NFAT5: variants seen among roughly 807,000 people sequenced by gnomAD.
The protein encoded by NFAT5 is nuclear factor of activated T-cells 5.
Under a neutral mutation model 166.5 loss-of-function variants are expected in NFAT5, and 31 were observed. That is an observed-to-expected ratio of 0.19 (90% CI 0.14 to 0.25). The LOEUF is 0.25. Among genes scored for constraint, NFAT5 ranks in the 10% least tolerant of loss-of-function variants. The pLI is 1.00. For missense variants in NFAT5, 1,449 were observed against 1,821.8 expected (o/e 0.80, Z 3.72); for synonymous variants, 612 against 639.7 (o/e 0.96, Z 0.65).
intron 2 of NFAT5, among the ~76,000 whole-genome samples, chr16:69,586,399 T>C (rs559781734): frequency 1.3e-5 from 2 of 152,148 alleles, no homozygotes; most frequent in Admixed American, 1.3e-4. Context: ...CTTGTTTAGA[T>C]TGGAATTTTT....
intron 9 of NFAT5, among the ~76,000 whole-genome samples, chr16:69,675,701 G>A (rs576049848): frequency 2.6e-4 from 39 of 152,060 alleles, no homozygotes; most frequent in African/African-American, 9.4e-4. Flanking sequence ...GTGCAATGAC[G>A]CGCTCTTGGC....
chr16:69,583,559 A>G (rs2031839798), intron 2 of NFAT5, among the ~76,000 whole-genome samples: 1 of 152,192 alleles, frequency 6.6e-6, no homozygotes, highest in Non-Finnish European at 1.5e-5. Flanking sequence ...GTTAAGGGAA[A>G]GAAACCTAGC....
chr16:69,652,750 G>A (rs1274511446), intron 4 of NFAT5, among the ~76,000 whole-genome samples: 2 of 83,150 alleles, frequency 2.4e-5, no homozygotes, highest in East Asian at 1.5e-3. Context: ...TTGGGGGTTT[G>A]TTTTTTGTTT....
intron 2 of NFAT5, among the ~76,000 whole-genome samples, chr16:69,598,930 CTTGAACCTGGGAGGTGGAGGT>C (rs2032966982): frequency 6.6e-6 from 1 of 150,684 alleles, no homozygotes; most frequent in South Asian, 2.1e-4. Context: ...AGGAAAATCA[CTTGAACCTGGGAGGTGGAGGT>C]TGCAGTGAGC....
At position 69,662,443 on chromosome 16, in the gene NFAT5, CCT is replaced by C. The variant is rs1491420122; in HGVS notation, c.1369+2547_1369+2548del. 3.0e-4 allele frequency among the ~76,000 whole-genome samples: 43 copies of C among 145,034 alleles called. 1 individual carries two copies. The highest frequency in any genetic ancestry group is 1.1e-3 in the African/African-American group (43 of 37,878). Reference sequence around the variant, plus strand: ...TTTGAGGTTACAGAGGTAGACAACACCTCTTTCTTTTTTTTTTTTTTTTTTTT... The same window carrying C: ...TTTGAGGTTACAGAGGTAGACAACACCTTTCTTTTTTTTTTTTTTTTTTTT... On this transcript the variant is annotated intron_variant, in intron 7 of 14. Coordinates refer to ENST00000349945, the MANE Select transcript of NFAT5 (RefSeq NM_138713.4).
intron 2 of NFAT5, among the ~76,000 whole-genome samples, chr16:69,617,381 A>C (rs1439166418): frequency 6.6e-6 from 1 of 152,228 alleles, no homozygotes; most frequent in Non-Finnish European, 1.5e-5. Context: ...AGACTCAAGA[A>C]ATTTCTTCAG....
intron 2 of NFAT5, among the ~76,000 whole-genome samples, chr16:69,578,877 G>GTT (rs200744895): frequency 1.7e-4 from 24 of 143,724 alleles, no homozygotes; most frequent in East Asian, 6.0e-4. Context: ...ATCTGAATAA[G>GTT]TTTTTTTTTT....
Position 69,703,565 on chromosome 16 carries a change from C to T in NFAT5, c.*7214C>T, listed in dbSNP as rs9980. On this transcript the variant is annotated 3_prime_UTR_variant, in exon 15 of 15. Coordinates refer to ENST00000349945, the MANE Select transcript of NFAT5 (RefSeq NM_138713.4). ...TTTACAAATTACCAGTTAATTAACT[C>T]GTGAAAGAAAAATTCACATATCAGA... 2 of 152,434 alleles carry T rather than the reference C, an allele frequency of 1.3e-5. No homozygotes were observed. The highest frequency in any genetic ancestry group is 2.4e-5 in the African/African-American group (1 of 41,384). The allele number at this position is 152,434 out of a possible 1,614,324, so 9.4% of individuals were successfully genotyped here.
chr16:69,687,190 C>G (rs541321672), intron 11 of NFAT5, among the ~76,000 whole-genome samples: 28 of 151,904 alleles, frequency 1.8e-4, no homozygotes, highest in Non-Finnish European at 3.8e-4. Flanking sequence ...ACCTGTAATC[C>G]CAGCACTTTG....
intron 10 of NFAT5, among the ~76,000 whole-genome samples, chr16:69,683,207 G>A (rs577839658): frequency 1.0e-3 from 153 of 151,516 alleles, no homozygotes; most frequent in Admixed American, 3.2e-3. Flanking sequence ...GCGAAACTCC[G>A]TCTCAAAAGA....
intron 3 of NFAT5, among the ~76,000 whole-genome samples, chr16:69,632,898 G>T (rs2034781963): frequency 6.6e-6 from 1 of 152,106 alleles, no homozygotes. Context: ...TCAGATCCTA[G>T]TTACAAACAT....
rs2037648480 is a variant in NFAT5, at chr16:69,693,647, G to A, written c.3822G>A (p.Gln1274=). The change falls in exon 13 of 15, where the codon CAG becomes CAA. Residue 1274 remains glutamine, a synonymous_variant. Coordinates refer to ENST00000349945, the MANE Select transcript of NFAT5 (RefSeq NM_138713.4). ...AGGAACAGCAGCAGCAGCAGCAACA[G>A]CAGCAGCAACAGCAGCAGCAACAAC... ...PSQEQQQQQQ[Q]QQQQQQQQQQ... 6.2e-7 allele frequency: 1 copy of A among 1,614,090 alleles called. No individual in the cohort carries two copies. The highest frequency in any genetic ancestry group is 1.1e-5 in the South Asian group (1 of 91,060).
intron 2 of NFAT5, among the ~76,000 whole-genome samples, chr16:69,577,471 T>G (rs1022712244): frequency 2.0e-4 from 31 of 152,312 alleles, no homozygotes; most frequent in African/African-American, 7.5e-4. Flanking sequence ...ATTTATTACC[T>G]TTATACCCAG....
At chr16:69,688,852 ATAG>A (rs150400736) in intron 11 of NFAT5, among the ~76,000 whole-genome samples, 6,701 of 152,300 alleles carry the variant, frequency 0.044, 497 homozygotes, top group African/African-American at 0.15. Context: ...AAAAGCAAGA[ATAG>A]TAGTTGACTA....
At chr16:69,663,583 A>C (rs1468676448) in intron 7 of NFAT5, among the ~76,000 whole-genome samples, 5 of 151,192 alleles carry the variant, frequency 3.3e-5, no homozygotes, top group Non-Finnish European at 7.4e-5. Context: ...AAAAAAAAAA[A>C]AAAAGGCCAG....
chr16:69,702,625 G>A lies in NFAT5; in HGVS notation c.*6274G>A, dbSNP rs1323281227. ...TCTTTGGCCCCATCCCAGACATACT[G>A]AGTCAGAAACTCTGGAATAGGGCCC... On this transcript the variant is annotated 3_prime_UTR_variant, in exon 15 of 15. Transcript: ENST00000349945. The A allele has an allele frequency of 6.7e-6, 1 of 148,572 alleles. No individual in the cohort carries two copies. The highest frequency in any genetic ancestry group is 3.2e-3 in the Middle Eastern group (1 of 316). The allele number at this position is 148,572 out of a possible 1,614,324, so 9.2% of individuals were successfully genotyped here. A position where few individuals can be genotyped will look rare whatever the true frequency, so the allele number is the denominator to read the frequency against.
intron 3 of NFAT5, among the ~76,000 whole-genome samples, chr16:69,645,124 A>C (rs2035383058): frequency 6.6e-6 from 1 of 152,268 alleles, no homozygotes; most frequent in Non-Finnish European, 1.5e-5. Context: ...GAAAAAAATT[A>C]TATTTAAACT....
chr16:69,632,103 G>A (rs1253744404), intron 3 of NFAT5: 1 of 152,074 alleles, frequency 6.6e-6, no homozygotes, highest in Non-Finnish European at 1.5e-5. Context: ...AATCAAATAA[G>A]TGCTATATTC....
At chr16:69,607,131 C>T (rs972891350) in intron 2 of NFAT5, among the ~76,000 whole-genome samples, 2 of 152,038 alleles carry the variant, frequency 1.3e-5, no homozygotes, top group African/African-American at 4.8e-5. Flanking sequence ...TAGGTATTAC[C>T]ACTGTATTAT....
Sources: allele counts gnomAD v4.1 joint callset (sites outside exome capture counted in the v4.1 genomes callset), GRCh38; gene constraint gnomAD v4.1.1; transcripts MANE v1.5; gene names NCBI Gene and HGNC (gene_info 2026-07-23, HGNC 2026-07-21).